The following DLG2 variants were observed in gnomAD, a reference collection of about 807,000 sequenced individuals.
DLG2 encodes the protein discs large MAGUK scaffold protein 2.
Under a neutral mutation model 132.5 loss-of-function variants are expected in DLG2, and 45 were observed. The ratio of observed to expected loss-of-function variants is 0.34; its 90% CI spans 0.27 to 0.44. The LOEUF (loss-of-function observed/expected upper bound fraction) is 0.44, where lower values mean the gene tolerates loss of function less well. Among genes scored for constraint, DLG2 ranks in the 20% least tolerant of loss-of-function variants. The probability of loss-of-function intolerance (pLI) is 1.00; values close to 1 mark genes in which losing one functional copy is unlikely to be tolerated. For synonymous variants in DLG2, 424 were observed against 419.6 expected (o/e 1.01, Z -0.13); for missense variants, 1,045 against 1,196.9 (o/e 0.87, Z 1.87).
intron 7 of DLG2, among the ~76,000 whole-genome samples, chr11:84,273,813 T>A (rs1403361220): frequency 6.6e-6 from 1 of 152,202 alleles, no homozygotes; most frequent in African/African-American, 2.4e-5. Flanking sequence ...CTCAGTTTAG[T>A]TAAGAGCTAG....
intron 6 of DLG2, among the ~76,000 whole-genome samples, chr11:85,045,199 A>G (rs1173427809): frequency 6.6e-6 from 1 of 151,992 alleles, no homozygotes; most frequent in Non-Finnish European, 1.5e-5. Context: ...ACTGGTTGCA[A>G]TTGAGAAAAG....
intron 8 of DLG2, among the ~76,000 whole-genome samples, chr11:84,217,629 G>A (rs1169014862): frequency 6.6e-6 from 1 of 152,156 alleles, no homozygotes; most frequent in East Asian, 1.9e-4. Context: ...AACAAAATGG[G>A]GGAGAAGGGA....
At chr11:85,036,926 T>C (rs1030024144) in intron 6 of DLG2, among the ~76,000 whole-genome samples, 4 of 152,178 alleles carry the variant, frequency 2.6e-5, no homozygotes, top group African/African-American at 9.6e-5. Flanking sequence ...ACTGCAATAA[T>C]GTAAACTCCA....
At chr11:85,235,434 A>G (rs1009789203) in intron 4 of DLG2, among the ~76,000 whole-genome samples, 6 of 151,972 alleles carry the variant, frequency 3.9e-5, no homozygotes, top group African/African-American at 1.2e-4. Context: ...TCCTCATTCA[A>G]CAACTCTTTA....
chr11:85,399,425 A>C (rs901915826), intron 3 of DLG2, among the ~76,000 whole-genome samples: 6 of 152,188 alleles, frequency 3.9e-5, no homozygotes, highest in Non-Finnish European at 8.8e-5. Context: ...AATTGGAAAA[A>C]ACTATTTTAA....
At chr11:85,467,509 T>G (rs1214902157) in intron 3 of DLG2, among the ~76,000 whole-genome samples, 1 of 152,226 alleles carries the variant, frequency 6.6e-6, no homozygotes, top group Non-Finnish European at 1.5e-5. Context: ...ATTGGGAGTT[T>G]TTAGCATGAA....
chr11:85,016,464 T>G (rs2059585799), intron 6 of DLG2, among the ~76,000 whole-genome samples: 1 of 152,144 alleles, frequency 6.6e-6, no homozygotes, highest in East Asian at 1.9e-4. Context: ...TAATGACTGT[T>G]CATTTGAACT....
chr11:83,468,509 T>C (rs931635517), intron 25 of DLG2, among the ~76,000 whole-genome samples: 1 of 152,174 alleles, frequency 6.6e-6, no homozygotes, highest in African/African-American at 2.4e-5. Context: ...TATTCTTAGA[T>C]AGACATCAAA....
chr11:85,402,677 C>T (rs543602427), intron 3 of DLG2, among the ~76,000 whole-genome samples: 12 of 152,066 alleles, frequency 7.9e-5, no homozygotes, highest in South Asian at 2.1e-4. Context: ...AAAAAGTAGG[C>T]GAAGGACATG....
intron 6 of DLG2, among the ~76,000 whole-genome samples, chr11:84,830,423 C>T (rs2078887313): frequency 6.8e-6 from 1 of 147,316 alleles, no homozygotes; most frequent in Non-Finnish European, 1.5e-5. Context: ...AGAAGCCATT[C>T]TAAAAGGAAA....
At chr11:84,354,825 C>A (rs963310147) in intron 7 of DLG2, among the ~76,000 whole-genome samples, 9 of 152,044 alleles carry the variant, frequency 5.9e-5, no homozygotes, top group African/African-American at 1.9e-4. Context: ...AAAGTTCATA[C>A]CATTTCCAAA....
intron 18 of DLG2, among the ~76,000 whole-genome samples, chr11:83,652,972 T>C (rs2071077290): frequency 6.6e-6 from 1 of 152,218 alleles, no homozygotes; most frequent in Admixed American, 6.5e-5. Context: ...CTTATTCCAC[T>C]GTACATATGT....
At chr11:84,902,568 A>G (rs1216516807) in intron 6 of DLG2, among the ~76,000 whole-genome samples, 1 of 152,162 alleles carries the variant, frequency 6.6e-6, no homozygotes, top group Non-Finnish European at 1.5e-5. Flanking sequence ...TTCTGTCCGT[A>G]GCTATTCTCC....
intron 6 of DLG2, among the ~76,000 whole-genome samples, chr11:84,850,645 A>G (rs868713342): frequency 1.3e-5 from 2 of 152,140 alleles, no homozygotes; most frequent in Non-Finnish European, 1.5e-5. Flanking sequence ...ATTTATACAG[A>G]GTATCTTAAA....
intron 7 of DLG2, among the ~76,000 whole-genome samples, chr11:84,302,330 A>G (rs1249659536): frequency 6.6e-6 from 1 of 152,240 alleles, no homozygotes; most frequent in Non-Finnish European, 1.5e-5. Flanking sequence ...CATGTATCCC[A>G]GAAGTATAAT....
intron 3 of DLG2, among the ~76,000 whole-genome samples, chr11:85,352,149 T>C (rs2083339870): frequency 6.6e-6 from 1 of 152,240 alleles, no homozygotes; most frequent in African/African-American, 2.4e-5. Flanking sequence ...AGGGTGTATG[T>C]GTCCATGAAT....
intron 4 of DLG2, among the ~76,000 whole-genome samples, chr11:85,220,292 C>T (rs1250569940): frequency 1.3e-5 from 2 of 151,830 alleles, no homozygotes; most frequent in Non-Finnish European, 2.9e-5. Flanking sequence ...GAAGGCTCCA[C>T]CAAGAAGGTG....
intron 8 of DLG2, among the ~76,000 whole-genome samples, chr11:84,224,574 T>G (rs2096963334): frequency 6.6e-6 from 1 of 152,190 alleles, no homozygotes; most frequent in South Asian, 2.1e-4. Context: ...TTTATACATA[T>G]TAACTGATGT....
intron 8 of DLG2, among the ~76,000 whole-genome samples, chr11:84,218,616 AGTTTG>A (rs2096872178): frequency 1.3e-5 from 2 of 152,206 alleles, no homozygotes; most frequent in East Asian, 3.8e-4. Context: ...AGTAGAAAGA[AGTTTG>A]GCAGACCCTT....
Sources: gnomAD v4.1 joint callset for allele counts (sites outside exome capture counted in the v4.1 genomes callset) on GRCh38, gnomAD v4.1.1 for gene constraint, MANE v1.5 for transcripts, NCBI Gene and HGNC (gene_info 2026-07-23, HGNC 2026-07-21) for gene names.